KCNV1: variants seen among roughly 807,000 people sequenced by gnomAD.
KCNV1 encodes the protein potassium voltage-gated channel subfamily V member 1.
In KCNV1, 2 loss-of-function variants were observed where a neutral mutation model predicts 36.4. The ratio of observed to expected loss-of-function variants is 0.05; its 90% CI spans 0.02 to 0.17. The LOEUF (loss-of-function observed/expected upper bound fraction) is 0.17, where lower values mean the gene tolerates loss of function less well. Ranked by LOEUF, KCNV1 falls within the 10% of genes least tolerant of loss-of-function variation. The pLI, the probability that KCNV1 is intolerant of heterozygous loss-of-function variation, is 1.00. For missense variants in KCNV1, 321 were observed against 643.6 expected (o/e 0.50, Z 5.42); for synonymous variants, 280 against 261.1 (o/e 1.07, Z -0.70).
At position 109,968,391 on chromosome 8, in the gene KCNV1, T is replaced by G. The variant is rs748736647; in HGVS notation, c.1200A>C (p.Pro400=). 1.9e-6 allele frequency: 3 copies of G among 1,614,228 alleles called. No homozygotes were observed. The highest frequency in any genetic ancestry group is 1.7e-6 in the Non-Finnish European group (2 of 1,180,044). ...MTTVGYGDIR[P]DTTTGKIVAF... is the part of the protein sequence containing the mutation. ...CCACGATTTTGCCTGTGGTGGTGTC[T>G]GGTCTAATGTCCCCATATCCCACAG... The change falls in exon 4 of 4, where the codon CCA becomes CCC. Residue 400 remains proline (P), a synonymous_variant. Coordinates refer to ENST00000524391, the MANE Select transcript of KCNV1 (RefSeq NM_014379.4). This position sits in a 1 kb window ranked among gnomAD's most constrained non-coding sequence, Gnocchi z 5.3.
rs750819318 is a variant in KCNV1, at chr8:109,968,112, G to T, written c.1479C>A (p.Ser493Arg). 1 of 1,611,716 alleles carries T rather than the reference G, an allele frequency of 6.2e-7. No individual in the cohort carries two copies. The highest frequency in any genetic ancestry group is 1.7e-5 in the Admixed American group (1 of 59,888). ...KGRERASTRSSGGDDFWF is the reference protein window; with the variant it reads ...KGRERASTRSRGGDDFWF ...TTCAAAACCAGAAATCATCTCCCCC[G>T]CTGCTCCTAGTACTTGCTCTTTCTC... Residue 493 changes from serine (S) to arginine (R), a missense_variant, in exon 4 of 4, where the codon AGC (serine) becomes AGA (arginine). Ser to Arg is a moderately radical substitution (Grantham distance 110). Transcript: ENST00000524391. This position sits in a 1 kb window ranked among gnomAD's most constrained non-coding sequence, Gnocchi z 5.3.
At chr8:109,970,149 C>T (rs1819992571) in intron 3 of KCNV1, among the ~76,000 whole-genome samples, 1 of 152,106 alleles carries the variant, frequency 6.6e-6, no homozygotes, top group African/African-American at 2.4e-5. Context: ...GAATTATTAA[C>T]CAGCTATTTT....
chr8:109,974,227 C>T lies in KCNV1; in HGVS notation c.162G>A (p.Gln54=). 1 of 1,573,774 alleles carries T rather than the reference C, an allele frequency of 6.4e-7. No individual in the cohort carries two copies. Among genetic ancestry groups the T allele is most frequent in the East Asian group, 2.4e-5 (1 of 42,552 alleles). Residue 54 remains glutamine (Q), a synonymous_variant, in exon 2 of 4, where the codon CAG becomes CAA. Coordinates refer to ENST00000524391, the MANE Select transcript of KCNV1 (RefSeq NM_014379.4). This position sits in a 1 kb window ranked among gnomAD's most constrained non-coding sequence, Gnocchi z 6.2. ...TGTGCGGGAAGCAGGACAGCGCCTG[C>T]TGCGAGAGCACGAAGCGGCTGCCGC... is the stretch of plus-strand genomic sequence containing the variant. ...NVGGSRFVLS[Q]QALSCFPHTR...
In KCNV1 at chr8:109,972,416, A is replaced by G. The variant is rs1017775576; in HGVS notation, c.833T>C (p.Ile278Thr). The change falls in exon 3 of 4, where the codon ATA (isoleucine) becomes ACA (threonine). Residue 278 changes from isoleucine to threonine, a missense_variant. Transcript: ENST00000524391. This position sits in a 1 kb window ranked among gnomAD's most constrained non-coding sequence, Gnocchi z 5.2. ...GAAGGGCAAGATGGCAAGGAGGTCT[A>G]TGATGTTTGGCACCTTTCTTAGGAA... ...CRFLRKVPNI[I>T]DLLAILPFYI... 1 of 1,614,146 alleles carries G rather than the reference A, an allele frequency of 6.2e-7. No homozygotes were observed. The highest frequency in any genetic ancestry group is 8.5e-7 in the Non-Finnish European group (1 of 1,180,038).
rs1303573055 is a variant in KCNV1 at position 109,974,501 on chromosome 8, C to A, written c.-113G>T. ...CTGGTGGCGGCCGGGATTCCCCGGG[C>A]TCCCGAAGGGGTTACCTCTCCTTGG... On this transcript the variant is annotated 5_prime_UTR_variant, in exon 2 of 4. Transcript: ENST00000524391. The surrounding 1 kb of genome is among the most constrained non-coding windows in gnomAD (Gnocchi z 6.2). 2 of 746,800 alleles carry A rather than the reference C, an allele frequency of 2.7e-6. No individual in the cohort carries two copies. Among genetic ancestry groups the A allele is most frequent in the East Asian group, 2.7e-5 (1 of 36,752 alleles). The allele number at this position is 746,800 out of a possible 1,614,324, so 46.3% of individuals were successfully genotyped here.
At position 109,974,431 on chromosome 8, in the gene KCNV1, G is replaced by A. The variant is rs1478730695; in HGVS notation, c.-43C>T. 7.4e-7 allele frequency: 1 copy of A among 1,358,998 alleles called. No homozygotes were observed. The highest frequency in any genetic ancestry group is 1.5e-5 in the African/African-American group (1 of 68,250). The allele number at this position is 1,358,998 out of a possible 1,614,324, so 84.2% of individuals were successfully genotyped here. On this transcript the variant is annotated 5_prime_UTR_variant, in exon 2 of 4. Transcript: ENST00000524391. The surrounding 1 kb of genome is among the most constrained non-coding windows in gnomAD (Gnocchi z 6.2). ...CGGCCTGAGGGCGCCACAAAGTTGGGGACACGCCGGAAGCTTTGGTCCCGC... is the reference window on the plus strand; with the variant it reads ...CGGCCTGAGGGCGCCACAAAGTTGGAGACACGCCGGAAGCTTTGGTCCCGC...
At chr8:109,969,907 G>A (rs1053367025) in intron 3 of KCNV1, among the ~76,000 whole-genome samples, 13 of 150,914 alleles carry the variant, frequency 8.6e-5, no homozygotes, top group African/African-American at 3.2e-4. Context: ...GGCTTTGAAT[G>A]AACCATAAGA....
chr8:109,966,093 A>T lies in KCNV1; in HGVS notation c.*1995T>A, dbSNP rs1819941103. ...TCCTTAATAAATATTTGTTGAGTTA[A>T]TAAATATATAAAATATGTATTTTGA... On this transcript the variant is annotated 3_prime_UTR_variant, in exon 4 of 4. Coordinates refer to ENST00000524391, the MANE Select transcript of KCNV1 (RefSeq NM_014379.4). 1 of 152,230 alleles carries T rather than the reference A, an allele frequency of 6.6e-6. No homozygotes were observed. Among genetic ancestry groups the T allele is most frequent in the Non-Finnish European group, 1.5e-5 (1 of 68,034 alleles). 9.4% of individuals were successfully genotyped at this position (152,230 alleles called of 1,614,324 possible).
intron 3 of KCNV1, among the ~76,000 whole-genome samples, chr8:109,971,600 C>T (rs1820011948): frequency 6.6e-6 from 1 of 151,914 alleles, no homozygotes; most frequent in South Asian, 2.1e-4. Flanking sequence ...ACACAAAAAA[C>T]TAAGGGATTT....
rs1820062047 is a variant in KCNV1, at chr8:109,974,887, C to CAAGG, written c.-500_-499insCCTT. 1 of 157,462 alleles carries CAAGG rather than the reference C, an allele frequency of 6.4e-6. No homozygotes were observed. The highest frequency in any genetic ancestry group is 2.4e-5 in the African/African-American group (1 of 41,518). 9.8% of individuals were successfully genotyped at this position (157,462 alleles called of 1,614,324 possible). ...AGAGAAGATGACTCTTAGCTGAACG[C>CAAGG]AAGCAAGCAAGCAAGCAAGGGGGAT... On this transcript the variant is annotated 5_prime_UTR_variant, in exon 2 of 4. Transcript: ENST00000524391. This position sits in a 1 kb window ranked among gnomAD's most constrained non-coding sequence, Gnocchi z 6.2.
chr8:109,974,872 A>G lies in KCNV1; in HGVS notation c.-484T>C. ...AGGAGGAGGAAGAGGAGAGAAGATGACTCTTAGCTGAACGCAAGCAAGCAA... is the reference window on the plus strand; with the variant it reads ...AGGAGGAGGAAGAGGAGAGAAGATGGCTCTTAGCTGAACGCAAGCAAGCAA... On this transcript the variant is annotated 5_prime_UTR_variant, in exon 2 of 4. Transcript: ENST00000524391. This position sits in a 1 kb window ranked among gnomAD's most constrained non-coding sequence, Gnocchi z 6.2. 6.1e-6 allele frequency: 1 copy of G among 163,602 alleles called. No individual in the cohort carries two copies. Among genetic ancestry groups the G allele is most frequent in the Non-Finnish European group, 1.3e-5 (1 of 75,390 alleles). The allele number at this position is 163,602 out of a possible 1,614,324, so 10.1% of individuals were successfully genotyped here.
chr8:109,970,147 A>T lies in KCNV1; in HGVS notation c.992-1548T>A, dbSNP rs576154714. ...AATTTTGAGATATTCTTGAATTATT[A>T]ACCAGCTATTTTTAAAGATCATTGA... On this transcript the variant is annotated intron_variant, in intron 3 of 3. Coordinates refer to ENST00000524391, the MANE Select transcript of KCNV1 (RefSeq NM_014379.4). 1.2e-4 allele frequency among the ~76,000 whole-genome samples: 18 copies of T among 152,296 alleles called. No homozygotes were observed. In the East Asian group the frequency reaches 3.5e-3, roughly 29 times the overall value.
rs1379210049 is a variant in KCNV1, at chr8:109,964,316, A to G, written c.*3772T>C. 6.6e-6 allele frequency: 1 copy of G among 151,626 alleles called. No individual in the cohort carries two copies. The highest frequency in any genetic ancestry group is 1.5e-5 in the Non-Finnish European group (1 of 68,024). 9.4% of individuals were successfully genotyped at this position (151,626 alleles called of 1,614,324 possible). A position where few individuals can be genotyped will look rare whatever the true frequency, so the allele number is the denominator to read the frequency against. On this transcript the variant is annotated 3_prime_UTR_variant, in exon 4 of 4. Transcript: ENST00000524391. ...AATGAGATACCATCTCACACTAGTC[A>G]GAATGGCTATTATTAAAAAGCAAAA...
In KCNV1 at chr8:109,966,023, T is replaced by C. The variant is rs1475452736; in HGVS notation, c.*2065A>G. The C allele has an allele frequency of 2.0e-5, 3 of 152,218 alleles. No homozygotes were observed. The highest frequency in any genetic ancestry group is 7.2e-5 in the African/African-American group (3 of 41,462). The allele number at this position is 152,218 out of a possible 1,614,324, so 9.4% of individuals were successfully genotyped here. ...ATATTAACTACAAGAAAACAGGACC[T>C]AGTCTTGTTTAAGAAAGACTCCCTA... is the stretch of plus-strand genomic sequence containing the variant. On this transcript the variant is annotated 3_prime_UTR_variant, in exon 4 of 4. Coordinates refer to ENST00000524391, the MANE Select transcript of KCNV1 (RefSeq NM_014379.4).
chr8:109,973,480 A>G lies in KCNV1; in HGVS notation c.461+448T>C, dbSNP rs560636330. Reference sequence around the variant, plus strand: ...AAGGTAACCTCAGAGTTCCACAATCATTCAATCAAGGGACCAACCTTTTAT... The same window carrying G: ...AAGGTAACCTCAGAGTTCCACAATCGTTCAATCAAGGGACCAACCTTTTAT... On this transcript the variant is annotated intron_variant, in intron 2 of 3. Transcript: ENST00000524391. 2.6e-5 allele frequency among the ~76,000 whole-genome samples: 4 copies of G among 152,322 alleles called. No homozygotes were observed. The South Asian group carries it at 8.3e-4, about 32-fold the overall frequency.
Position 109,972,454 on chromosome 8 carries a change from C to G in KCNV1, c.795G>C (p.Arg265=). ...GEFVLRFLCV[R]DRCRFLRKVP... is the part of the protein sequence containing the mutation. ...CCTTTCTTAGGAAGCGACACCTGTC[C>G]CGCACACACAGGAAGCGGAGGACAA... The change falls in exon 3 of 4, where the codon CGG becomes CGC. Residue 265 remains arginine, a synonymous_variant. Coordinates refer to ENST00000524391, the MANE Select transcript of KCNV1 (RefSeq NM_014379.4). The surrounding 1 kb of genome is among the most constrained non-coding windows in gnomAD (Gnocchi z 5.2). 6.2e-7 allele frequency: 1 copy of G among 1,614,112 alleles called. No homozygotes were observed. The highest frequency in any genetic ancestry group is 2.2e-5 in the East Asian group (1 of 44,878).
At chr8:109,973,091 C>T (rs929062340) in intron 2 of KCNV1, among the ~76,000 whole-genome samples, 3 of 151,720 alleles carry the variant, frequency 2.0e-5, no homozygotes, top group Non-Finnish European at 4.4e-5. Context: ...GATTCTTCTG[C>T]CCCAGCCTCC....
Position 109,968,169 on chromosome 8 carries a change from C to A in KCNV1, c.1422G>T (p.Arg474=). 6.2e-7 allele frequency: 1 copy of A among 1,614,182 alleles called. No homozygotes were observed. Among genetic ancestry groups the A allele is most frequent in the Admixed American group, 1.7e-5 (1 of 60,030 alleles). Residue 474 remains arginine, a synonymous_variant, in exon 4 of 4, where the codon CGG becomes CGT. Coordinates refer to ENST00000524391, the MANE Select transcript of KCNV1 (RefSeq NM_014379.4). This position sits in a 1 kb window ranked among gnomAD's most constrained non-coding sequence, Gnocchi z 5.3. ...ISVNLRDVYA[R]SIMEMLRLKG... Reference sequence around the variant, plus strand: ...TCAGTCGCAGCATCTCCATGATACTCCGGGCATAGACATCTCTCAAGTTAA... The same window carrying A: ...TCAGTCGCAGCATCTCCATGATACTACGGGCATAGACATCTCTCAAGTTAA...
At position 109,974,647 on chromosome 8, in the gene KCNV1, G is replaced by C. The variant is rs1432640312; in HGVS notation, c.-259C>G. On this transcript the variant is annotated 5_prime_UTR_variant, in exon 2 of 4. Transcript: ENST00000524391. This position sits in a 1 kb window ranked among gnomAD's most constrained non-coding sequence, Gnocchi z 6.2. ...GGGAGCAGAGGAAGGGTCGCGCTAA[G>C]AGAGAGGATCAGGTGAGGTCCAAGC... The C allele has an allele frequency of 1.8e-6, 1 of 551,912 alleles. No homozygotes were observed. The highest frequency in any genetic ancestry group is 3.2e-6 in the Non-Finnish European group (1 of 311,464). 34.2% of individuals were successfully genotyped at this position (551,912 alleles called of 1,614,324 possible). A position where few individuals can be genotyped will look rare whatever the true frequency, so the allele number is the denominator to read the frequency against.
Sources: gnomAD v4.1 joint callset for allele counts (sites outside exome capture counted in the v4.1 genomes callset) on GRCh38, gnomAD v4.1.1 for gene constraint, Gnocchi (gnomAD v3.1) non-coding constraint, MANE v1.5 for transcripts, NCBI Gene and HGNC (gene_info 2026-07-23, HGNC 2026-07-21) for gene names.